The following DCDC2 variants were observed in gnomAD, a reference collection of about 807,000 sequenced individuals.
DCDC2 encodes the protein doublecortin domain containing 2.
Under a neutral mutation model 50.2 loss-of-function variants are expected in DCDC2, and 40 were observed. That is an observed-to-expected ratio of 0.80 (90% CI 0.62 to 1.04). The LOEUF (loss-of-function observed/expected upper bound fraction) is 1.04, where lower values mean the gene tolerates loss of function less well. DCDC2 is among the 50% of genes least tolerant of loss of function. The pLI is 0.00. For synonymous variants in DCDC2, 234 were observed against 210.6 expected, an observed-to-expected ratio of 1.11 and a Z score of -0.96; for missense variants, 570 against 581.9, an observed-to-expected ratio of 0.98 and a Z score of 0.21.
At chr6:24,237,878 A>C (rs2113788466) in intron 7 of DCDC2, among the ~76,000 whole-genome samples, 1 of 151,844 alleles carries the variant, frequency 6.6e-6, no homozygotes, top group South Asian at 2.1e-4. Flanking sequence ...TTGAGTATGC[A>C]TAGACATAAA....
chr6:24,382,439 C>G, the DCDC2 span, among the ~76,000 whole-genome samples: 22 of 152,224 alleles, frequency 1.4e-4, no homozygotes, highest in South Asian at 4.6e-3. Flanking sequence ...ATATATTAGG[C>G]AGTCAATGCC....
At chr6:24,184,022 T>C (rs1481293009) in intron 8 of DCDC2, among the ~76,000 whole-genome samples, 1 of 152,216 alleles carries the variant, frequency 6.6e-6, no homozygotes, top group Non-Finnish European at 1.5e-5. Flanking sequence ...ACTCTCACAA[T>C]AGCCCTATGA....
At chr6:24,190,807 T>G (rs753172763) in intron 8 of DCDC2, among the ~76,000 whole-genome samples, 3 of 152,122 alleles carry the variant, frequency 2.0e-5, no homozygotes, top group African/African-American at 4.8e-5. Context: ...TCAATAAGAG[T>G]ATATGACTTG....
chr6:24,371,276 C>CAAAA, the DCDC2 span, among the ~76,000 whole-genome samples: 4 of 101,968 alleles, frequency 3.9e-5, no homozygotes, highest in Non-Finnish European at 3.9e-5. Context: ...CACTCCATCT[C>CAAAA]AAAAAAAAAA....
Position 24,174,468 on chromosome 6 carries a change from C to A in DCDC2, c.*262G>T. 4.0e-6 allele frequency: 1 copy of A among 251,222 alleles called. No homozygotes were observed. The highest frequency in any genetic ancestry group is 1.3e-4 in the South Asian group (1 of 7,820). 15.6% of individuals were successfully genotyped at this position (251,222 alleles called of 1,614,324 possible). On this transcript the variant is annotated 3_prime_UTR_variant, in exon 10 of 10. Transcript: ENST00000378454. ...TTCATCCTTTACAAGTGGCAATTGT[C>A]TTCCAGTGCAAATTCTCCTCTGTCC...
intron 8 of DCDC2, among the ~76,000 whole-genome samples, chr6:24,183,362 G>T (rs560633738): frequency 6.6e-6 from 1 of 152,300 alleles, no homozygotes; most frequent in African/African-American, 2.4e-5. Flanking sequence ...CTGAGCCAAA[G>T]ATTACATTCT....
At chr6:24,314,016 G>A (rs942546473) in intron 2 of DCDC2, among the ~76,000 whole-genome samples, 6 of 152,146 alleles carry the variant, frequency 3.9e-5, no homozygotes, top group East Asian at 3.8e-4. Context: ...CTGAGTTTCC[G>A]GAGGCAGTCA....
chr6:24,319,990 T>C (rs1759742666), intron 2 of DCDC2, among the ~76,000 whole-genome samples: 1 of 152,156 alleles, frequency 6.6e-6, no homozygotes, highest in Non-Finnish European at 1.5e-5. Flanking sequence ...AATCAATAAA[T>C]GGACGGTGAA....
chr6:24,174,657 T>C lies in DCDC2; in HGVS notation c.*73A>G. ...GTGTCACATTATATTCAGCAATAAC[T>C]ATGTGCTTATCTTTCAAGTATGATA... On this transcript the variant is annotated 3_prime_UTR_variant, in exon 10 of 10. Coordinates refer to ENST00000378454, the MANE Select transcript of DCDC2 (RefSeq NM_016356.5). The C allele has an allele frequency of 9.8e-7, 1 of 1,024,314 alleles. No individual in the cohort carries two copies. Among genetic ancestry groups the C allele is most frequent in the Non-Finnish European group, 1.5e-6 (1 of 662,792 alleles). 63.5% of individuals were successfully genotyped at this position (1,024,314 alleles called of 1,614,324 possible).
In DCDC2 at chr6:24,205,247, G is replaced by A. The variant is rs192099171; in HGVS notation, c.923-145C>T. 9.8e-4 allele frequency: 1,541 copies of A among 1,577,684 alleles called. 16 individuals are homozygous for A. The South Asian group carries it at 0.012, about 12-fold the overall frequency. ...AGTATTTTTGTGCACCCCCTCCTCC[G>A]ACCACCACACCACCCCCAGTTGTTC... On this transcript the variant is annotated intron_variant, in intron 7 of 9. Coordinates refer to ENST00000378454, the MANE Select transcript of DCDC2 (RefSeq NM_016356.5).
At chr6:24,282,397 C>T (rs897228288) in intron 6 of DCDC2, among the ~76,000 whole-genome samples, 2 of 152,212 alleles carry the variant, frequency 1.3e-5, no homozygotes, top group South Asian at 4.2e-4. Flanking sequence ...CACCCGCCAC[C>T]ACACCTGGCT....
At chr6:24,288,790 G>A (rs1763674264) in intron 6 of DCDC2, 62 bp downstream of exon 6, 3 of 1,468,694 alleles carry the variant, frequency 2.0e-6, no homozygotes, top group Non-Finnish European at 2.9e-6. Flanking sequence ...AAGCCCAAAG[G>A]ACAGTCTCTT....
intron 7 of DCDC2, among the ~76,000 whole-genome samples, chr6:24,217,083 G>A (rs1421857365): frequency 6.6e-6 from 1 of 151,738 alleles, no homozygotes; most frequent in East Asian, 1.9e-4. Flanking sequence ...TTCAGACAGA[G>A]ACATAAAAAA....
intron 4 of DCDC2, among the ~76,000 whole-genome samples, chr6:24,301,251 G>C (rs1446626442): frequency 6.6e-6 from 1 of 151,128 alleles, no homozygotes; most frequent in Admixed American, 6.6e-5. Flanking sequence ...GGCGCCTGTG[G>C]TCCCAGCTAC....
At chr6:24,258,275 C>T (rs1321211636) in intron 7 of DCDC2, among the ~76,000 whole-genome samples, 2 of 152,038 alleles carry the variant, frequency 1.3e-5, no homozygotes, top group Admixed American at 6.6e-5. Flanking sequence ...TGGCTGGGGG[C>T]GGGGGGTGGC....
intron 7 of DCDC2, among the ~76,000 whole-genome samples, chr6:24,236,266 A>C (rs574434023): frequency 6.6e-6 from 1 of 152,290 alleles, no homozygotes; most frequent in South Asian, 2.1e-4. Context: ...AGAGAACCCA[A>C]AAATAAAGCT....
chr6:24,233,810 T>A (rs2113785274), intron 7 of DCDC2, among the ~76,000 whole-genome samples: 2 of 152,336 alleles, frequency 1.3e-5, no homozygotes, highest in South Asian at 4.1e-4. Context: ...GCTAGCAGAC[T>A]CACTAATCTA....
chr6:24,301,252 T>C (rs1263606450), intron 4 of DCDC2, among the ~76,000 whole-genome samples: 2 of 150,428 alleles, frequency 1.3e-5, no homozygotes, highest in Non-Finnish European at 3.0e-5. Context: ...GCGCCTGTGG[T>C]CCCAGCTACT....
intron 2 of DCDC2, among the ~76,000 whole-genome samples, chr6:24,323,467 T>C (rs1639586096): frequency 6.6e-6 from 1 of 152,084 alleles, no homozygotes; most frequent in Non-Finnish European, 1.5e-5. Flanking sequence ...GTTCTAGTGT[T>C]GATAACTATG....
Sources: allele counts gnomAD v4.1 joint callset (sites outside exome capture counted in the v4.1 genomes callset), GRCh38; gene constraint gnomAD v4.1.1; transcripts MANE v1.5; gene names NCBI Gene and HGNC (gene_info 2026-07-23, HGNC 2026-07-21).